The following NEGR1 variants were observed in gnomAD, a reference collection of about 807,000 sequenced individuals.
The protein encoded by NEGR1 is IgLON family member 4.
NEGR1 carries 10 observed loss-of-function variants against 40.9 expected under a neutral mutation model. The observed-to-expected ratio is 0.24, with a 90% CI of 0.15 to 0.42. The LOEUF is 0.42. Ranked by LOEUF, NEGR1 falls within the 10% of genes least tolerant of loss-of-function variation. NEGR1 has a pLI of 1.00. For missense variants in NEGR1, 352 were observed against 438.9 expected (o/e 0.80, Z 1.77); for synonymous variants, 185 against 166.8 (o/e 1.11, Z -0.84).
At chr1:71,975,462 C>T (rs1436584536) in intron 1 of NEGR1, among the ~76,000 whole-genome samples, 1 of 152,138 alleles carries the variant, frequency 6.6e-6, no homozygotes. Flanking sequence ...CAAACTGGAG[C>T]TCTGCCACTT....
At chr1:72,275,147 C>T in intron 1 of NEGR1, 2 of 677,848 alleles carry the variant, frequency 3.0e-6, no homozygotes, top group East Asian at 2.6e-5. Context: ...TACGATGCCA[C>T]CCATGTGTTT....
intron 6 of NEGR1, among the ~76,000 whole-genome samples, chr1:71,504,268 A>C (rs1647017974): frequency 6.6e-6 from 1 of 152,038 alleles, no homozygotes; most frequent in Non-Finnish European, 1.5e-5. Flanking sequence ...TGATGGAGGA[A>C]TTACTGAAGG....
chr1:71,729,699 A>G (rs1654789444), intron 3 of NEGR1, among the ~76,000 whole-genome samples: 1 of 152,158 alleles, frequency 6.6e-6, no homozygotes, highest in South Asian at 2.1e-4. Flanking sequence ...CAGTGGTGCA[A>G]TCTTGGCTCA....
chr1:71,836,028 G>A (rs1267149312), intron 2 of NEGR1, among the ~76,000 whole-genome samples: 1 of 152,018 alleles, frequency 6.6e-6, no homozygotes, highest in Non-Finnish European at 1.5e-5. Flanking sequence ...CAGATAACAA[G>A]GCAAAGCTAT....
intron 4 of NEGR1, among the ~76,000 whole-genome samples, chr1:71,664,681 C>T (rs938261293): frequency 6.6e-6 from 1 of 151,876 alleles, no homozygotes; most frequent in Non-Finnish European, 1.5e-5. Flanking sequence ...GTTTCCTTTG[C>T]CTTACTATCA....
At chr1:72,247,363 A>T (rs1654936029) in intron 1 of NEGR1, among the ~76,000 whole-genome samples, 1 of 152,106 alleles carries the variant, frequency 6.6e-6, no homozygotes, top group Admixed American at 6.5e-5. Context: ...ACAAAATCCA[A>T]ATTTAAGTCA....
intron 1 of NEGR1, among the ~76,000 whole-genome samples, chr1:71,998,100 C>T (rs769873339): frequency 2.6e-5 from 4 of 151,868 alleles, no homozygotes; most frequent in Non-Finnish European, 5.9e-5. Flanking sequence ...AGAGGCTCTA[C>T]GTAAAGGATA....
At chr1:71,418,438 C>T (rs1318339489) in intron 6 of NEGR1, among the ~76,000 whole-genome samples, 12 of 151,930 alleles carry the variant, frequency 7.9e-5, no homozygotes, top group Admixed American at 6.6e-4. Context: ...CTCAGCCTCT[C>T]GAGTAGCTGG....
In NEGR1 at chr1:72,093,128, C is replaced by T. The variant is rs998908755; in HGVS notation, c.177-157817G>A. Among the ~76,000 whole-genome samples the T allele has an allele frequency of 2.0e-5, 3 of 152,044 alleles. No individual in the cohort carries two copies. The East Asian group carries it at 5.8e-4, about 29-fold the overall frequency. ...CAGGCAGATCACGAGGTCAGGACAT[C>T]GAGATCATCCTGGCCAATGTGGTGA... On this transcript the variant is annotated intron_variant, in intron 1 of 6. Coordinates refer to ENST00000357731, the MANE Select transcript of NEGR1 (RefSeq NM_173808.3).
chr1:71,712,602 T>C (rs1306812013), intron 3 of NEGR1, among the ~76,000 whole-genome samples: 2 of 152,230 alleles, frequency 1.3e-5, no homozygotes, highest in African/African-American at 4.8e-5. Flanking sequence ...AGTACAGAGA[T>C]AATATTCATA....
chr1:72,182,104 T>C (rs1255532237), intron 1 of NEGR1, among the ~76,000 whole-genome samples: 3 of 152,318 alleles, frequency 2.0e-5, no homozygotes, highest in South Asian at 4.1e-4. Context: ...ATAATGGATA[T>C]ATTAACTTGC....
Position 71,406,082 on chromosome 1 carries a change from G to T in NEGR1, c.*1364C>A, listed in dbSNP as rs150737326. ...ACTGGTGTTTTGTCTTTATTTGATC[G>T]CATCTTACATATATCATGTAAGGAA... On this transcript the variant is annotated 3_prime_UTR_variant, in exon 7 of 7. Coordinates refer to ENST00000357731, the MANE Select transcript of NEGR1 (RefSeq NM_173808.3). 1.3e-5 allele frequency: 2 copies of T among 151,866 alleles called. No individual in the cohort carries two copies. The highest frequency in any genetic ancestry group is 4.8e-5 in the African/African-American group (2 of 41,312). 9.4% of individuals were successfully genotyped at this position (151,866 alleles called of 1,614,324 possible).
chr1:71,868,047 C>T (rs1253801657), intron 2 of NEGR1, among the ~76,000 whole-genome samples: 1 of 152,112 alleles, frequency 6.6e-6, no homozygotes, highest in East Asian at 1.9e-4. Context: ...GAATTGAGGA[C>T]ACCATTAAAC....
chr1:71,705,197 A>T (rs1330964632), intron 3 of NEGR1, among the ~76,000 whole-genome samples: 1 of 152,180 alleles, frequency 6.6e-6, no homozygotes, highest in East Asian at 1.9e-4. Flanking sequence ...GGATGAAGGC[A>T]AGGTTATCTA....
At chr1:71,896,512 A>T (rs1449109151) in intron 2 of NEGR1, among the ~76,000 whole-genome samples, 1 of 152,084 alleles carries the variant, frequency 6.6e-6, no homozygotes, top group Non-Finnish European at 1.5e-5. Flanking sequence ...CACTTTCTTA[A>T]GTGGATCCTT....
chr1:72,064,651 C>A (rs983549156), intron 1 of NEGR1, among the ~76,000 whole-genome samples: 15 of 152,026 alleles, frequency 9.9e-5, no homozygotes, highest in African/African-American at 3.1e-4. Context: ...AAAGGATATG[C>A]TCTACAGAAA....
chr1:71,653,074 A>G (rs1484647149), intron 4 of NEGR1, among the ~76,000 whole-genome samples: 2 of 151,880 alleles, frequency 1.3e-5, no homozygotes, highest in Admixed American at 6.6e-5. Context: ...GCTCTGACTT[A>G]GTTAATGCTT....
At chr1:72,072,395 G>A (rs558345342) in intron 1 of NEGR1, among the ~76,000 whole-genome samples, 14 of 152,050 alleles carry the variant, frequency 9.2e-5, no homozygotes, top group Non-Finnish European at 1.3e-4. Flanking sequence ...TTCTCATGCC[G>A]GGGGACAGCT....
intron 6 of NEGR1, among the ~76,000 whole-genome samples, chr1:71,562,179 C>T (rs1174154191): frequency 3.3e-5 from 5 of 151,668 alleles, no homozygotes; most frequent in African/African-American, 7.2e-5. Flanking sequence ...CAAAGATTAT[C>T]GGGCAAAATA....
Sources: allele counts gnomAD v4.1 joint callset (sites outside exome capture counted in the v4.1 genomes callset), GRCh38; gene constraint gnomAD v4.1.1; transcripts MANE v1.5; gene names NCBI Gene and HGNC (gene_info 2026-07-23, HGNC 2026-07-21).